The following MEF2C variants were observed in gnomAD, a reference collection of about 807,000 sequenced individuals.
MEF2C encodes the protein myocyte-specific enhancer factor 2C.
In MEF2C, 6 loss-of-function variants were observed where a neutral mutation model predicts 50.5. The observed-to-expected ratio is 0.12, with a 90% CI of 0.07 to 0.23. The LOEUF (loss-of-function observed/expected upper bound fraction) is 0.23. MEF2C is among the 10% of genes least tolerant of loss of function. MEF2C has a pLI of 1.00. For synonymous variants in MEF2C, 183 were observed against 228.0 expected (o/e 0.80, Z 1.78); for missense variants, 276 against 605.0 (o/e 0.46, Z 5.70).
At position 88,718,742 on chromosome 5, in the gene MEF2C, C is replaced by T. The variant is rs1313798862; in HGVS notation, c.*3862G>A. 4.6e-5 allele frequency: 7 copies of T among 152,122 alleles called. No homozygotes were observed. Among genetic ancestry groups the T allele is most frequent in the Non-Finnish European group, 1.0e-4 (7 of 68,022 alleles). 9.4% of individuals were successfully genotyped at this position (152,122 alleles called of 1,614,324 possible). ...GAACAGGGAAGGCAAAATGCAATAC[C>T]AGATTATGAAAATAACCAAAATGGA... On this transcript the variant is annotated 3_prime_UTR_variant, in exon 11 of 11. Coordinates refer to ENST00000504921, the MANE Select transcript of MEF2C (RefSeq NM_002397.5).
At chr5:88,759,423 G>A (rs901194633) in intron 4 of MEF2C, among the ~76,000 whole-genome samples, 9 of 152,044 alleles carry the variant, frequency 5.9e-5, no homozygotes, top group Admixed American at 3.3e-4. Flanking sequence ...CAGAGGTTGC[G>A]GTGAGTGGAG....
intron 1 of MEF2C, chr5:88,838,793 C>A: frequency 1.1e-6 from 1 of 929,140 alleles, no homozygotes; most frequent in Non-Finnish European, 1.3e-6. Flanking sequence ...TGGTCTACTA[C>A]AAATCCTTCT....
chr5:88,864,116 C>T (rs1826435245), intron 1 of MEF2C, among the ~76,000 whole-genome samples: 1 of 150,520 alleles, frequency 6.6e-6, no homozygotes, highest in South Asian at 2.1e-4. Flanking sequence ...AGGCCTGAGC[C>T]ACCATGCCCA....
chr5:88,775,595 T>A (rs919854305), intron 3 of MEF2C, among the ~76,000 whole-genome samples: 8 of 152,246 alleles, frequency 5.3e-5, no homozygotes, highest in African/African-American at 1.9e-4. Context: ...CAAATTAAAT[T>A]AATAATTAAA....
intron 2 of MEF2C, among the ~76,000 whole-genome samples, chr5:88,823,275 T>G (rs1278654324): frequency 2.0e-5 from 3 of 151,994 alleles, no homozygotes; most frequent in Non-Finnish European, 2.9e-5. Context: ...AATGTTTGGA[T>G]GTGTTTCAAA....
At chr5:88,896,335 G>A (rs1835113714) in intron 1 of MEF2C, among the ~76,000 whole-genome samples, 1 of 152,136 alleles carries the variant, frequency 6.6e-6, no homozygotes, top group Non-Finnish European at 1.5e-5. Flanking sequence ...CTTACCCTGT[G>A]TGCTCTCCCT....
chr5:88,771,778 C>G lies in MEF2C; in HGVS notation c.259-10450G>C, dbSNP rs143877010. Reference sequence around the variant, plus strand: ...TTTATTTGTTTTAATAAGATTATTACCTCAAAATGTAAGGAGTACAAGTTC... The same window carrying G: ...TTTATTTGTTTTAATAAGATTATTAGCTCAAAATGTAAGGAGTACAAGTTC... On this transcript the variant is annotated intron_variant, in intron 3 of 10. Transcript: ENST00000504921. 2.6e-3 allele frequency: 532 copies of G among 204,764 alleles called. 2 individuals are homozygous for G. The highest frequency in any genetic ancestry group is 3.9e-3 in the Non-Finnish European group (452 of 116,308). 12.7% of individuals were successfully genotyped at this position (204,764 alleles called of 1,614,324 possible).
chr5:88,866,529 A>C (rs1302300162), intron 1 of MEF2C, among the ~76,000 whole-genome samples: 2 of 152,244 alleles, frequency 1.3e-5, no homozygotes, highest in Non-Finnish European at 2.9e-5. Flanking sequence ...TATTAGAATA[A>C]AGAAAGTTCA....
At chr5:88,874,256 T>C (rs1309488130) in intron 1 of MEF2C, among the ~76,000 whole-genome samples, 1 of 151,974 alleles carries the variant, frequency 6.6e-6, no homozygotes, top group African/African-American at 2.4e-5. Flanking sequence ...TTCTATTCCA[T>C]ACATATGTTC....
intron 1 of MEF2C, among the ~76,000 whole-genome samples, chr5:88,898,953 C>T (rs1483863397): frequency 1.3e-5 from 2 of 152,018 alleles, no homozygotes; most frequent in Non-Finnish European, 2.9e-5. Context: ...CAACATTTTC[C>T]TGACATAAAT....
chr5:88,883,942 G>A (rs1167716401), upstream of MEF2C, among the ~76,000 whole-genome samples: 2 of 152,190 alleles, frequency 1.3e-5, no homozygotes, highest in Non-Finnish European at 2.9e-5. Flanking sequence ...AATGATAATT[G>A]CATCTTGGTG....
At chr5:88,763,890 G>A (rs1306064862) in intron 3 of MEF2C, among the ~76,000 whole-genome samples, 1 of 152,096 alleles carries the variant, frequency 6.6e-6, no homozygotes, top group Non-Finnish European at 1.5e-5. Flanking sequence ...AGACTCAAGG[G>A]ATGCTCCTGC....
chr5:88,880,468 A>G (rs1313687925), intron 1 of MEF2C, among the ~76,000 whole-genome samples: 1 of 152,178 alleles, frequency 6.6e-6, no homozygotes, highest in Non-Finnish European at 1.5e-5. Context: ...CTCAAATTAT[A>G]CCACACTTTA....
At chr5:88,878,213 G>A (rs1365430322) in intron 1 of MEF2C, among the ~76,000 whole-genome samples, 2 of 151,970 alleles carry the variant, frequency 1.3e-5, no homozygotes, top group Non-Finnish European at 1.5e-5. Context: ...ACACTTGGAT[G>A]CTATAGAATG....
At chr5:88,894,744 C>G (rs1834939277) in intron 1 of MEF2C, among the ~76,000 whole-genome samples, 1 of 152,066 alleles carries the variant, frequency 6.6e-6, no homozygotes, top group South Asian at 2.1e-4. Context: ...TTTAAGGAGA[C>G]AGTTTTGACA....
intron 2 of MEF2C, among the ~76,000 whole-genome samples, chr5:88,812,428 CTTGTT>C (rs1454922459): frequency 6.6e-6 from 1 of 152,044 alleles, no homozygotes; most frequent in Admixed American, 6.6e-5. Context: ...ATTTCACATA[CTTGTT>C]TTATTTTATT....
intron 6 of MEF2C, chr5:88,740,309 G>T: frequency 1.0e-6 from 1 of 981,578 alleles, no homozygotes; most frequent in Non-Finnish European, 1.2e-6. Flanking sequence ...AGCTTTTAAC[G>T]TACAGCACAT....
At chr5:88,801,537 C>T (rs985588603) in intron 3 of MEF2C, among the ~76,000 whole-genome samples, 20 of 150,948 alleles carry the variant, frequency 1.3e-4, no homozygotes, top group African/African-American at 3.7e-4. Context: ...CTGTCGCCTG[C>T]GCCAGAGTGC....
At chr5:88,798,983 G>T (rs948367174) in intron 3 of MEF2C, among the ~76,000 whole-genome samples, 11 of 152,220 alleles carry the variant, frequency 7.2e-5, no homozygotes, top group African/African-American at 2.7e-4. Flanking sequence ...CTGGAGAACA[G>T]CAAAGATTGC....
Sources: gnomAD v4.1 joint callset for allele counts (sites outside exome capture counted in the v4.1 genomes callset) on GRCh38, gnomAD v4.1.1 for gene constraint, MANE v1.5 for transcripts, NCBI Gene and HGNC (gene_info 2026-07-23, HGNC 2026-07-21) for gene names.